Variants in SLC1A2 observed in about 807,000 individuals in gnomAD.
SLC1A2 encodes the protein solute carrier family 1 member 2.
A neutral mutation model predicts 48.8 loss-of-function variants in SLC1A2; 15 were observed. That is an observed-to-expected ratio of 0.31 (90% CI 0.21 to 0.47). The LOEUF (loss-of-function observed/expected upper bound fraction) is 0.47. Ranked by LOEUF, SLC1A2 falls within the 20% of genes least tolerant of loss-of-function variation. SLC1A2 has a pLI of 0.99. For synonymous variants in SLC1A2, 279 were observed against 272.6 expected, an observed-to-expected ratio of 1.02 and a Z score of -0.23; for missense variants, 502 against 730.5, an observed-to-expected ratio of 0.69 and a Z score of 3.61.
intron 6 of SLC1A2, among the ~76,000 whole-genome samples, chr11:35,293,219 A>C (rs998381659): frequency 7.9e-5 from 12 of 152,214 alleles, no homozygotes. Context: ...CAACGTGGCA[A>C]ATAAAGAAAC....
intron 5 of SLC1A2, among the ~76,000 whole-genome samples, chr11:35,303,759 G>C (rs1851422634): frequency 6.6e-6 from 1 of 152,016 alleles, no homozygotes; most frequent in African/African-American, 2.4e-5. Flanking sequence ...AGTTGGGAGA[G>C]GGTGGAGACC....
intron 1 of SLC1A2, among the ~76,000 whole-genome samples, chr11:35,358,885 C>T (rs1853581289): frequency 6.6e-6 from 1 of 152,128 alleles, no homozygotes. Flanking sequence ...GTCACACCCA[C>T]ACTCTACGTT....
At chr11:35,416,809 T>C (rs1017121518) in intron 1 of SLC1A2, among the ~76,000 whole-genome samples, 1 of 152,230 alleles carries the variant, frequency 6.6e-6, no homozygotes, top group African/African-American at 2.4e-5. Context: ...CAAGGCACAT[T>C]AACCAAAGAT....
intron 4 of SLC1A2, among the ~76,000 whole-genome samples, chr11:35,308,224 T>C (rs760311893): frequency 2.0e-5 from 3 of 152,216 alleles, no homozygotes; most frequent in Non-Finnish European, 4.4e-5. Flanking sequence ...GCCCTTCGAC[T>C]CAAGGGCAGC....
chr11:35,262,048 C>T (rs1230700180), intron 10 of SLC1A2, among the ~76,000 whole-genome samples: 1 of 152,194 alleles, frequency 6.6e-6, no homozygotes, highest in Non-Finnish European at 1.5e-5. Flanking sequence ...ACTACTATTA[C>T]CAGGCAAGAG....
At chr11:35,265,453 G>GTTTT in intron 10 of SLC1A2, 74 bp downstream of exon 10, 12 of 684,598 alleles carry the variant, frequency 1.8e-5, no homozygotes, top group Non-Finnish European at 2.0e-5. Context: ...GGGCTTTACG[G>GTTTT]TTTTTTTTTT....
intron 10 of SLC1A2, chr11:35,264,778 A>G (rs961439507): frequency 1.3e-5 from 2 of 152,186 alleles, no homozygotes; most frequent in African/African-American, 4.8e-5. Flanking sequence ...CACCTTTCCC[A>G]CACAAATAAG....
intron 1 of SLC1A2, among the ~76,000 whole-genome samples, chr11:35,349,606 G>C (rs1590216034): frequency 6.6e-6 from 1 of 152,252 alleles, no homozygotes; most frequent in East Asian, 1.9e-4. Flanking sequence ...AGCCACCCAG[G>C]TATCTGAGAA....
At chr11:35,400,367 A>G (rs371994164) in intron 1 of SLC1A2, among the ~76,000 whole-genome samples, 6 of 152,254 alleles carry the variant, frequency 3.9e-5, no homozygotes, top group African/African-American at 1.4e-4. Flanking sequence ...TACATTCACA[A>G]CACATTGCTA....
At chr11:35,327,917 C>A (rs1222239177) in intron 1 of SLC1A2, among the ~76,000 whole-genome samples, 1 of 152,138 alleles carries the variant, frequency 6.6e-6, no homozygotes, top group African/African-American at 2.4e-5. Context: ...TGGGTATACT[C>A]TTTCTTGGGG....
chr11:35,331,870 T>C (rs1308041418), intron 1 of SLC1A2, among the ~76,000 whole-genome samples: 2 of 152,184 alleles, frequency 1.3e-5, no homozygotes, highest in South Asian at 2.1e-4. Flanking sequence ...CCTCTCCCAC[T>C]AGGCCTTAGA....
intron 1 of SLC1A2, among the ~76,000 whole-genome samples, chr11:35,328,597 A>T (rs1348356494): frequency 2.0e-5 from 3 of 152,106 alleles, no homozygotes; most frequent in Non-Finnish European, 4.4e-5. Context: ...ACTTGGAAAA[A>T]CTGGTCAGCC....
intron 1 of SLC1A2, among the ~76,000 whole-genome samples, chr11:35,323,888 C>T (rs1462603430): frequency 6.6e-6 from 1 of 152,344 alleles, no homozygotes; most frequent in African/African-American, 2.4e-5. Flanking sequence ...TCTAATTCCT[C>T]ATCCATCCTT....
At chr11:35,307,630 A>G (rs1236509110) in intron 4 of SLC1A2, among the ~76,000 whole-genome samples, 2 of 152,214 alleles carry the variant, frequency 1.3e-5, no homozygotes, top group Non-Finnish European at 2.9e-5. Context: ...ATGTACGGGA[A>G]AGTCAAGTGA....
chr11:35,340,849 G>A (rs1852812485), intron 1 of SLC1A2, among the ~76,000 whole-genome samples: 1 of 152,186 alleles, frequency 6.6e-6, no homozygotes, highest in African/African-American at 2.4e-5. Flanking sequence ...TATGTAACAA[G>A]TTACATAAGG....
chr11:35,295,975 T>C (rs1353261010), intron 6 of SLC1A2, among the ~76,000 whole-genome samples: 1 of 152,366 alleles, frequency 6.6e-6, no homozygotes, highest in African/African-American at 2.4e-5. Flanking sequence ...GGAGTCAGAA[T>C]GTCCTGGAGC....
At chr11:35,373,588 A>G (rs1854128102) in intron 1 of SLC1A2, among the ~76,000 whole-genome samples, 1 of 152,232 alleles carries the variant, frequency 6.6e-6, no homozygotes, top group African/African-American at 2.4e-5. Context: ...AAGACCCCAG[A>G]AAATGAGTAG....
intron 5 of SLC1A2, among the ~76,000 whole-genome samples, chr11:35,303,011 C>T (rs1313164444): frequency 6.6e-6 from 1 of 151,506 alleles, no homozygotes; most frequent in Non-Finnish European, 1.5e-5. Context: ...TATGAGCCAT[C>T]TTCTCTTTCC....
chr11:35,373,832 A>G (rs1056206231), intron 1 of SLC1A2, among the ~76,000 whole-genome samples: 1 of 152,230 alleles, frequency 6.6e-6, no homozygotes, highest in Non-Finnish European at 1.5e-5. Flanking sequence ...AGATCATGGG[A>G]TTAATATAGC....
Sources: gnomAD v4.1 joint callset for allele counts (sites outside exome capture counted in the v4.1 genomes callset) on GRCh38, gnomAD v4.1.1 for gene constraint, MANE v1.5 for transcripts, NCBI Gene and HGNC (gene_info 2026-07-23, HGNC 2026-07-21) for gene names.